The following ARHGAP26 variants were observed in gnomAD, a reference collection of about 807,000 sequenced individuals.
The protein encoded by ARHGAP26 is rho GTPase-activating protein 26.
In ARHGAP26, 38 loss-of-function variants were observed where a neutral mutation model predicts 104.8. The ratio of observed to expected loss-of-function variants is 0.36; its 90% CI spans 0.28 to 0.48. The LOEUF (loss-of-function observed/expected upper bound fraction) is 0.48, where lower values mean the gene tolerates loss of function less well. Ranked by LOEUF, ARHGAP26 falls within the 20% of genes least tolerant of loss-of-function variation. The pLI is 0.99. For synonymous variants in ARHGAP26, 341 were observed against 340.0 expected, an observed-to-expected ratio of 1.00 and a Z score of -0.03; for missense variants, 704 against 947.9, an observed-to-expected ratio of 0.74 and a Z score of 3.38.
intron 22 of ARHGAP26, among the ~76,000 whole-genome samples, chr5:143,218,794 G>A (rs1810741904): frequency 6.6e-6 from 1 of 152,236 alleles, no homozygotes; most frequent in Non-Finnish European, 1.5e-5. Context: ...CAAGCACTTA[G>A]CATCTTTGAT....
At chr5:143,061,351 G>A (rs1220060477) in intron 17 of ARHGAP26, among the ~76,000 whole-genome samples, 1 of 152,170 alleles carries the variant, frequency 6.6e-6, no homozygotes, top group Non-Finnish European at 1.5e-5. Flanking sequence ...ATGACTCCAA[G>A]TATGTTGTAT....
At chr5:143,187,660 G>A (rs776213737) in intron 20 of ARHGAP26, among the ~76,000 whole-genome samples, 23 of 152,336 alleles carry the variant, frequency 1.5e-4, no homozygotes, top group Non-Finnish European at 2.6e-4. Context: ...GAGGTCAGGC[G>A]GAGCACCAGC....
intron 1 of ARHGAP26, among the ~76,000 whole-genome samples, chr5:142,774,425 T>C (rs764389313): frequency 3.4e-4 from 51 of 152,124 alleles, no homozygotes; most frequent in Non-Finnish European, 6.2e-4. Flanking sequence ...TTTTTTTTTT[T>C]TTTAAGAGCA....
chr5:142,808,805 G>A (rs555604321), intron 1 of ARHGAP26, among the ~76,000 whole-genome samples: 57 of 152,262 alleles, frequency 3.7e-4, no homozygotes, highest in African/African-American at 1.3e-3. Flanking sequence ...TCACCGCGGA[G>A]TGTACCATAG....
intron 1 of ARHGAP26, among the ~76,000 whole-genome samples, chr5:142,810,613 G>A (rs1012075948): frequency 3.9e-5 from 6 of 152,138 alleles, no homozygotes; most frequent in African/African-American, 1.4e-4. Context: ...AAGTTGCAGG[G>A]ATGGGGACAT....
chr5:143,180,739 A>T (rs1804214653), intron 20 of ARHGAP26, among the ~76,000 whole-genome samples: 1 of 152,168 alleles, frequency 6.6e-6, no homozygotes, highest in Non-Finnish European at 1.5e-5. Flanking sequence ...CCCATGATCC[A>T]GTCTCCTCCC....
At chr5:143,222,319 A>G in intron 22 of ARHGAP26, 39 bp from the exon 23 acceptor site, 1 of 1,460,402 alleles carries the variant, frequency 6.8e-7, no homozygotes, top group Middle Eastern at 1.8e-4. Context: ...TCTATCTGTA[A>G]TGCCATCTCT....
rs140097237 is a variant in ARHGAP26 at position 142,890,774 on chromosome 5, G to A, written c.487-3464G>A. 3.2e-3 allele frequency among the ~76,000 whole-genome samples: 492 copies of A among 152,124 alleles called. 3 individuals are homozygous for A. The highest frequency in any genetic ancestry group is 0.024 in the Middle Eastern group (7 of 294). On this transcript the variant is annotated intron_variant, in intron 5 of 22. Transcript: ENST00000645722. Reference sequence around the variant, plus strand: ...GTTTTCAAATGGTTTACATCATTTGGCCCATTTTCTCTTGGAAACACTCTA... The same window carrying A: ...GTTTTCAAATGGTTTACATCATTTGACCCATTTTCTCTTGGAAACACTCTA...
chr5:143,170,779 A>G (rs1041554724), intron 20 of ARHGAP26: 2 of 152,138 alleles, frequency 1.3e-5, no homozygotes, highest in African/African-American at 4.8e-5. Flanking sequence ...CCCACCCACA[A>G]CCACTATGCT....
intron 10 of ARHGAP26, among the ~76,000 whole-genome samples, chr5:142,916,057 C>T (rs1032936561): frequency 6.6e-6 from 1 of 152,112 alleles, no homozygotes; most frequent in Non-Finnish European, 1.5e-5. Context: ...AAGTTTAGCA[C>T]CTAGGAAATG....
intron 11 of ARHGAP26, among the ~76,000 whole-genome samples, chr5:142,950,409 T>A (rs1768136230): frequency 6.6e-6 from 1 of 152,126 alleles, no homozygotes; most frequent in Admixed American, 6.5e-5. Context: ...TTTTTTTTTT[T>A]AAGTTTTTGG....
chr5:142,935,866 G>C (rs1196253899), intron 11 of ARHGAP26, among the ~76,000 whole-genome samples: 1 of 151,982 alleles, frequency 6.6e-6, no homozygotes, highest in Non-Finnish European at 1.5e-5. Context: ...TTGGCCAAGG[G>C]GGGAAATGCC....
Position 142,948,197 on chromosome 5 carries a change from C to G in ARHGAP26, c.1107+16072C>G, listed in dbSNP as rs1767456302. ...GTAATTTTTAGTATATGGCAGAAAC[C>G]ATATACTAAATGTCACACCAGAGAA... On this transcript the variant is annotated intron_variant, in intron 11 of 22. Transcript: ENST00000645722. 2.6e-5 allele frequency among the ~76,000 whole-genome samples: 4 copies of G among 152,102 alleles called. No homozygotes were observed. In the South Asian group the frequency reaches 8.3e-4, roughly 32 times the overall value.
intron 17 of ARHGAP26, among the ~76,000 whole-genome samples, chr5:143,088,595 G>A (rs1362757414): frequency 1.3e-5 from 2 of 152,176 alleles, no homozygotes; most frequent in Non-Finnish European, 2.9e-5. Context: ...TGATAATGCT[G>A]TAAATAAAGT....
intron 19 of ARHGAP26, among the ~76,000 whole-genome samples, chr5:143,143,176 G>T (rs1246010917): frequency 6.6e-6 from 1 of 152,084 alleles, no homozygotes; most frequent in East Asian, 1.9e-4. Context: ...GAAACCTCCC[G>T]CAAATGTTTC....
intron 20 of ARHGAP26, chr5:143,165,115 C>T (rs1480446294): frequency 6.6e-6 from 1 of 152,242 alleles, no homozygotes; most frequent in Non-Finnish European, 1.5e-5. Context: ...CTCTTTTCCT[C>T]TGGAGAGGAT....
intron 1 of ARHGAP26, among the ~76,000 whole-genome samples, chr5:142,799,799 A>G (rs1761704067): frequency 6.6e-6 from 1 of 152,242 alleles, no homozygotes; most frequent in Non-Finnish European, 1.5e-5. Flanking sequence ...CCATGATTAC[A>G]GCATTGATTC....
At chr5:143,146,480 C>T (rs148150772) in intron 19 of ARHGAP26, among the ~76,000 whole-genome samples, 1 of 152,336 alleles carries the variant, frequency 6.6e-6, no homozygotes, top group African/African-American at 2.4e-5. Context: ...CATAGCCAGT[C>T]AGGGCTTGAA....
rs1489166679 is a variant in ARHGAP26 at position 143,025,482 on chromosome 5, T to A, written c.1144+11366T>A. ...TCCACCCTCAGAAAGCTGATGATGA[T>A]CTCTTTCGGTTGAGAAATCAGTGCA... On this transcript the variant is annotated intron_variant, in intron 12 of 22. Coordinates refer to ENST00000645722, the MANE Select transcript of ARHGAP26 (RefSeq NM_001135608.3). 2.0e-5 allele frequency among the ~76,000 whole-genome samples: 3 copies of A among 152,162 alleles called. No individual in the cohort carries two copies. The East Asian group carries it at 5.8e-4, about 29-fold the overall frequency.
Sources: gnomAD v4.1 joint callset for allele counts (sites outside exome capture counted in the v4.1 genomes callset) on GRCh38, gnomAD v4.1.1 for gene constraint, MANE v1.5 for transcripts, NCBI Gene and HGNC (gene_info 2026-07-23, HGNC 2026-07-21) for gene names.